The following CDYL2 variants were observed in gnomAD, a reference collection of about 807,000 sequenced individuals.
CDYL2 encodes chromodomain Y-like protein 2.
A neutral mutation model predicts 49.4 loss-of-function variants in CDYL2; 23 were observed. The observed-to-expected ratio is 0.47, with a 90% CI of 0.34 to 0.66. The LOEUF is 0.66. Among genes scored for constraint, CDYL2 ranks in the 30% least tolerant of loss-of-function variants. The pLI is 0.01. For synonymous variants in CDYL2, 360 were observed against 268.8 expected, an observed-to-expected ratio of 1.34 and a Z score of -3.32; for missense variants, 678 against 656.4, an observed-to-expected ratio of 1.03 and a Z score of -0.36.
In CDYL2 at chr16:80,671,763, T is replaced by C. The variant is rs568797517; in HGVS notation, c.616+12775A>G. Reference sequence around the variant, plus strand: ...ACGTCTGGCAAGGCAATGACAAAACTAGAAAATTATGCCTCACTGGTTATT... The same window carrying C: ...ACGTCTGGCAAGGCAATGACAAAACCAGAAAATTATGCCTCACTGGTTATT... On this transcript the variant is annotated intron_variant, in intron 2 of 6. Transcript: ENST00000570137. Among the ~76,000 whole-genome samples the C allele has an allele frequency of 3.3e-5, 5 of 152,272 alleles. No homozygotes were observed. The East Asian group carries it at 7.7e-4, about 24-fold the overall frequency.
chr16:80,654,147 A>T lies in CDYL2; in HGVS notation c.617-20911T>A, dbSNP rs1319383349. On this transcript the variant is annotated intron_variant, in intron 2 of 6. Coordinates refer to ENST00000570137, the MANE Select transcript of CDYL2 (RefSeq NM_152342.4). ...GGGGAAGAAGGGTGCAAGGAGACGC[A>T]GACAGGCACTGACCATGTGCTCAGC... Among the ~76,000 whole-genome samples the T allele has an allele frequency of 2.6e-5, 4 of 152,206 alleles. 1 individual carries two copies. The highest frequency in any genetic ancestry group is 2.0e-4 in the Admixed American group (3 of 15,276).
intron 2 of CDYL2, among the ~76,000 whole-genome samples, chr16:80,669,126 G>A (rs1393057376): frequency 6.6e-6 from 1 of 151,878 alleles, no homozygotes; most frequent in Non-Finnish European, 1.5e-5. Context: ...TAAAATGGCA[G>A]TAAAAGATTT....
At chr16:80,747,365 T>C (rs1905967345) in intron 1 of CDYL2, among the ~76,000 whole-genome samples, 1 of 151,938 alleles carries the variant, frequency 6.6e-6, no homozygotes. Context: ...GAATTCTCAT[T>C]ATTAAAAGGA....
At chr16:80,695,821 AC>A (rs1379801387) in intron 1 of CDYL2, among the ~76,000 whole-genome samples, 1 of 152,204 alleles carries the variant, frequency 6.6e-6, no homozygotes, top group Non-Finnish European at 1.5e-5. Flanking sequence ...CCTTCAACAC[AC>A]CACTCTCAGC....
At chr16:80,786,357 G>A (rs961141227) in intron 1 of CDYL2, among the ~76,000 whole-genome samples, 3 of 152,170 alleles carry the variant, frequency 2.0e-5, no homozygotes, top group Admixed American at 1.3e-4. Flanking sequence ...ACAGACATAT[G>A]AAAAAATGCT....
At position 80,741,506 on chromosome 16, in the gene CDYL2, A is replaced by G. The variant is rs775877843; in HGVS notation, c.25-56377T>C. ...ACATTATGGGGAAAATATTTGCAGC[A>G]TAGGTGGTAAAGTTATTTTTAATAC... is the stretch of plus-strand genomic sequence containing the variant. On this transcript the variant is annotated intron_variant, in intron 1 of 6. Transcript: ENST00000570137. Among the ~76,000 whole-genome samples, 6 of 152,302 alleles carry G rather than the reference A, an allele frequency of 3.9e-5. No individual in the cohort carries two copies. The South Asian group carries it at 1.0e-3, about 26-fold the overall frequency.
chr16:80,686,576 T>C (rs1044718091), intron 1 of CDYL2, among the ~76,000 whole-genome samples: 12 of 152,184 alleles, frequency 7.9e-5, no homozygotes, highest in African/African-American at 2.9e-4. Context: ...TTGTTGAAAA[T>C]GGGTAATGAA....
intron 1 of CDYL2, among the ~76,000 whole-genome samples, chr16:80,730,256 A>G (rs1017734726): frequency 6.6e-6 from 1 of 152,230 alleles, no homozygotes; most frequent in African/African-American, 2.4e-5. Context: ...GCAATAAAAA[A>G]TGATAAAGGG....
chr16:80,636,655 A>G (rs534999552), intron 2 of CDYL2, among the ~76,000 whole-genome samples: 1 of 152,212 alleles, frequency 6.6e-6, no homozygotes, highest in Non-Finnish European at 1.5e-5. Context: ...GCGATTCCTC[A>G]AGGATCTAGA....
chr16:80,747,308 TC>T (rs1905965146), intron 1 of CDYL2, among the ~76,000 whole-genome samples: 1 of 152,082 alleles, frequency 6.6e-6, no homozygotes, highest in South Asian at 2.1e-4. Context: ...CCTGGCAGTT[TC>T]TCGGGAGGGA....
At chr16:80,626,476 G>A (rs940057335) in intron 3 of CDYL2, among the ~76,000 whole-genome samples, 1 of 152,140 alleles carries the variant, frequency 6.6e-6, no homozygotes, top group African/African-American at 2.4e-5. Context: ...GTTATATTCG[G>A]AAGTGGTGGA....
chr16:80,737,590 G>A (rs1905581737), intron 1 of CDYL2, among the ~76,000 whole-genome samples: 1 of 152,172 alleles, frequency 6.6e-6, no homozygotes, highest in African/African-American at 2.4e-5. Context: ...TGCTGCTAGT[G>A]GTGGTGGTTT....
At chr16:80,655,096 G>T (rs1908748044) in intron 2 of CDYL2, among the ~76,000 whole-genome samples, 1 of 152,226 alleles carries the variant, frequency 6.6e-6, no homozygotes, top group Non-Finnish European at 1.5e-5. Context: ...AGAGCCTGGG[G>T]ACATCCATCC....
At chr16:80,611,244 C>A (rs899246549) in intron 5 of CDYL2, among the ~76,000 whole-genome samples, 1 of 152,030 alleles carries the variant, frequency 6.6e-6, no homozygotes, top group Non-Finnish European at 1.5e-5. Flanking sequence ...GTGGGTGTGG[C>A]GAGCCGGGCA....
At chr16:80,735,770 C>T (rs1296609581) in intron 1 of CDYL2, among the ~76,000 whole-genome samples, 1 of 152,222 alleles carries the variant, frequency 6.6e-6, no homozygotes, top group Non-Finnish European at 1.5e-5. Context: ...TGCTTTCAGA[C>T]CACCCCTTCC....
intron 1 of CDYL2, among the ~76,000 whole-genome samples, chr16:80,745,020 G>A (rs1905876863): frequency 6.6e-6 from 1 of 152,190 alleles, no homozygotes; most frequent in Non-Finnish European, 1.5e-5. Flanking sequence ...CAGGGTGAGT[G>A]ACAGATACAG....
At chr16:80,753,984 T>A (rs963456226) in intron 1 of CDYL2, among the ~76,000 whole-genome samples, 6 of 152,192 alleles carry the variant, frequency 3.9e-5, no homozygotes, top group African/African-American at 1.4e-4. Flanking sequence ...CACAGGAGAA[T>A]GAGCTGCAAA....
At chr16:80,717,033 G>C (rs1904830227) in intron 1 of CDYL2, among the ~76,000 whole-genome samples, 1 of 151,958 alleles carries the variant, frequency 6.6e-6, no homozygotes, top group Admixed American at 6.6e-5. Context: ...TGGATGGATG[G>C]ATGGATGCAC....
chr16:80,694,089 ACGGG>A lies in CDYL2; in HGVS notation c.25-8964_25-8961del, dbSNP rs571304173. 1.4e-3 allele frequency among the ~76,000 whole-genome samples: 217 copies of A among 152,348 alleles called. 2 individuals are homozygous for A. The highest frequency in any genetic ancestry group is 5.0e-3 in the African/African-American group (208 of 41,582). On this transcript the variant is annotated intron_variant, in intron 1 of 6. Transcript: ENST00000570137. ...TCTCATGGAAGACAATTTTTCCACG[ACGGG>A]CGGAATGGTTTTAGGATGAAACTGT...
Sources: gnomAD v4.1 joint callset for allele counts (sites outside exome capture counted in the v4.1 genomes callset) on GRCh38, gnomAD v4.1.1 for gene constraint, MANE v1.5 for transcripts, NCBI Gene and HGNC (gene_info 2026-07-23, HGNC 2026-07-21) for gene names.